NTM: variants seen among roughly 807,000 people sequenced by gnomAD.
NTM encodes the protein IgLON family member 2.
NTM carries 13 observed loss-of-function variants against 42.1 expected under a neutral mutation model. That is an observed-to-expected ratio of 0.31 (90% CI 0.20 to 0.49). The LOEUF is 0.49. NTM is among the 20% of genes least tolerant of loss of function. NTM has a pLI of 0.99. For synonymous variants in NTM, 187 were observed against 179.2 expected, an observed-to-expected ratio of 1.04 and a Z score of -0.35; for missense variants, 373 against 452.8, an observed-to-expected ratio of 0.82 and a Z score of 1.60.
chr11:131,691,817 G>T (rs917227699), intron 1 of NTM, among the ~76,000 whole-genome samples: 7 of 152,230 alleles, frequency 4.6e-5, no homozygotes, highest in African/African-American at 1.2e-4. Flanking sequence ...GCTCCGCCAG[G>T]TGCCAGGCGT....
At chr11:131,770,927 C>T (rs758693444) in intron 1 of NTM, 6 of 152,234 alleles carry the variant, frequency 3.9e-5, no homozygotes, top group Non-Finnish European at 8.8e-5. Context: ...GTTGCTCTTT[C>T]TGCTGCTCTT....
intron 1 of NTM, among the ~76,000 whole-genome samples, chr11:131,761,751 G>C (rs1187767928): frequency 6.6e-6 from 1 of 151,934 alleles, no homozygotes; most frequent in Non-Finnish European, 1.5e-5. Flanking sequence ...GGAGGTTGTG[G>C]TGAGCAGAGA....
chr11:132,237,301 C>T (rs1453274515), intron 4 of NTM, among the ~76,000 whole-genome samples: 1 of 152,170 alleles, frequency 6.6e-6, no homozygotes, highest in Non-Finnish European at 1.5e-5. Flanking sequence ...GACTTACGCT[C>T]TCGGCTCCAC....
chr11:131,581,297 C>T (rs1470142662), intron 1 of NTM, among the ~76,000 whole-genome samples: 6 of 152,086 alleles, frequency 3.9e-5, no homozygotes, highest in Middle Eastern at 3.4e-3. Context: ...TTCTTTTCCT[C>T]GGTCCCCAGG....
chr11:131,617,702 G>C (rs1242285150), intron 1 of NTM, among the ~76,000 whole-genome samples: 2 of 152,190 alleles, frequency 1.3e-5, no homozygotes, highest in Non-Finnish European at 2.9e-5. Flanking sequence ...CGTGTGAACA[G>C]AACTAAAATG....
In NTM at chr11:132,163,684, C is replaced by A. The variant is rs143270055; in HGVS notation, c.400+17170C>A. Among the ~76,000 whole-genome samples, 1,299 of 152,320 alleles carry A rather than the reference C, an allele frequency of 8.5e-3. 34 individuals are homozygous for A. Among genetic ancestry groups the A allele is most frequent in the Non-Finnish European group, 6.2e-3 (425 of 68,026 alleles). ...CTTATGAGCAAAGGATCAGGTTAAC[C>A]TGACTCAAAGGACTGTATCCCAATT... On this transcript the variant is annotated intron_variant, in intron 3 of 8. Coordinates refer to ENST00000683400, the MANE Select transcript of NTM (RefSeq NM_001352005.2).
chr11:131,832,302 T>G (rs1328375951), intron 1 of NTM, among the ~76,000 whole-genome samples: 1 of 152,018 alleles, frequency 6.6e-6, no homozygotes, highest in Non-Finnish European at 1.5e-5. Context: ...AGAGACAAAA[T>G]TCAGTCTCAG....
intron 1 of NTM, among the ~76,000 whole-genome samples, chr11:131,453,485 A>G (rs1950633899): frequency 6.6e-6 from 1 of 152,094 alleles, no homozygotes; most frequent in South Asian, 2.1e-4. Flanking sequence ...ACTTTTCTCT[A>G]GAGGTGGGAA....
At chr11:131,909,205 G>A (rs1199203520) in intron 1 of NTM, among the ~76,000 whole-genome samples, 1 of 152,192 alleles carries the variant, frequency 6.6e-6, no homozygotes, top group Non-Finnish European at 1.5e-5. Context: ...TGTTACCCAG[G>A]AGTGTGGTTT....
At chr11:131,648,771 C>T (rs1592358053) in intron 1 of NTM, among the ~76,000 whole-genome samples, 1 of 152,196 alleles carries the variant, frequency 6.6e-6, no homozygotes, top group East Asian at 1.9e-4. Context: ...GGGATGTAAA[C>T]TATCGTCACA....
intron 2 of NTM, among the ~76,000 whole-genome samples, chr11:132,097,703 G>A (rs560761529): frequency 2.0e-4 from 30 of 152,348 alleles, no homozygotes; most frequent in African/African-American, 6.7e-4. Context: ...AGCCTGGAAG[G>A]TAGTAGAGAC....
At chr11:131,820,073 C>T (rs938423558) in intron 1 of NTM, among the ~76,000 whole-genome samples, 7 of 152,154 alleles carry the variant, frequency 4.6e-5, no homozygotes, top group Admixed American at 1.3e-4. Context: ...TATTAACTAA[C>T]AGAGAATTGC....
chr11:131,410,274 A>T (rs530220249), intron 1 of NTM, among the ~76,000 whole-genome samples: 2 of 152,012 alleles, frequency 1.3e-5, no homozygotes. Context: ...GGAGTTCAAG[A>T]CCAGCCTGGG....
chr11:131,384,630 G>A (rs566437009), intron 1 of NTM, among the ~76,000 whole-genome samples: 91 of 152,292 alleles, frequency 6.0e-4, no homozygotes, highest in African/African-American at 1.5e-3. Flanking sequence ...GGAGGATGTG[G>A]TGATGGCTGG....
intron 1 of NTM, chr11:131,663,257 T>C (rs1317426218): frequency 6.6e-6 from 1 of 152,262 alleles, no homozygotes; most frequent in Admixed American, 6.5e-5. Flanking sequence ...CCAAGATATA[T>C]GTGTCCTGTT....
chr11:132,245,526 A>G (rs973851434), intron 4 of NTM, among the ~76,000 whole-genome samples: 1 of 152,128 alleles, frequency 6.6e-6, no homozygotes, highest in African/African-American at 2.4e-5. Context: ...GCCTTTTTAG[A>G]TACATCAATT....
At chr11:131,813,367 A>T (rs959392569) in intron 1 of NTM, among the ~76,000 whole-genome samples, 1 of 152,138 alleles carries the variant, frequency 6.6e-6, no homozygotes, top group Non-Finnish European at 1.5e-5. Flanking sequence ...CGTGCTGGGG[A>T]TGCAAAGATG....
intron 3 of NTM, among the ~76,000 whole-genome samples, chr11:132,199,943 A>C (rs1430914873): frequency 7.2e-5 from 11 of 152,132 alleles, no homozygotes; most frequent in Admixed American, 6.6e-4. Flanking sequence ...GCTTTGTATT[A>C]ACAAGAAGTC....
intron 1 of NTM, among the ~76,000 whole-genome samples, chr11:131,709,764 T>C (rs935223906): frequency 6.6e-6 from 1 of 152,036 alleles, no homozygotes; most frequent in Non-Finnish European, 1.5e-5. Flanking sequence ...TTGAATAAGA[T>C]CCTAAAATGG....
Sources: gnomAD v4.1 joint callset for allele counts (sites outside exome capture counted in the v4.1 genomes callset) on GRCh38, gnomAD v4.1.1 for gene constraint, MANE v1.5 for transcripts, NCBI Gene and HGNC (gene_info 2026-07-23, HGNC 2026-07-21) for gene names.